The following ANO10 variants were observed in gnomAD, a reference collection of about 807,000 sequenced individuals.
The protein encoded by ANO10 is anoctamin 10.
ANO10 carries 77 observed loss-of-function variants against 74.7 expected under a neutral mutation model. The observed-to-expected ratio is 1.03, with a 90% CI of 0.86 to 1.25. The LOEUF (loss-of-function observed/expected upper bound fraction) is 1.25. ANO10 is among the 50% of genes most tolerant of loss of function. ANO10 has a pLI of 0.00. For synonymous variants in ANO10, 279 were observed against 284.9 expected, an observed-to-expected ratio of 0.98 and a Z score of 0.21; for missense variants, 721 against 778.1, an observed-to-expected ratio of 0.93 and a Z score of 0.87.
chr3:43,624,260 C>T (rs765983177), upstream of ANO10, among the ~76,000 whole-genome samples: 6 of 152,084 alleles, frequency 3.9e-5, no homozygotes, highest in Non-Finnish European at 7.4e-5. Flanking sequence ...TATGTTTTTT[C>T]GACCTGATAG....
chr3:43,587,273 C>T (rs555951508), intron 4 of ANO10, among the ~76,000 whole-genome samples: 5 of 152,238 alleles, frequency 3.3e-5, no homozygotes, highest in African/African-American at 1.2e-4. Context: ...TACAGCACAA[C>T]CCAGAGACAG....
At chr3:43,550,836 T>G (rs571975865) in intron 10 of ANO10, among the ~76,000 whole-genome samples, 1 of 152,320 alleles carries the variant, frequency 6.6e-6, no homozygotes, top group Non-Finnish European at 1.5e-5. Flanking sequence ...TTGTCCCCTT[T>G]TCTTCCACTT....
intron 11 of ANO10, among the ~76,000 whole-genome samples, chr3:43,548,050 C>T (rs2079279402): frequency 6.9e-6 from 1 of 145,254 alleles, no homozygotes; most frequent in Non-Finnish European, 1.5e-5. Context: ...TCTAAATTTA[C>T]CAAGAAATCT....
intron 11 of ANO10, among the ~76,000 whole-genome samples, chr3:43,501,489 A>G (rs529806258): frequency 6.6e-6 from 1 of 152,264 alleles, no homozygotes; most frequent in Admixed American, 6.5e-5. Flanking sequence ...AAGACAATAA[A>G]ACACAAAATG....
At chr3:43,683,880 T>C (rs1431451794) in intron 1 of ANO10, among the ~76,000 whole-genome samples, 1 of 152,150 alleles carries the variant, frequency 6.6e-6, no homozygotes, top group African/African-American at 2.4e-5. Context: ...TAGCCATATG[T>C]AGAAAGCTGA....
At chr3:43,390,831 C>T (rs1042194408) in intron 12 of ANO10, among the ~76,000 whole-genome samples, 1 of 152,228 alleles carries the variant, frequency 6.6e-6, no homozygotes, top group African/African-American at 2.4e-5. Flanking sequence ...TATTCTCACG[C>T]AGTGTGTTCC....
At chr3:43,490,408 A>T (rs1559606947) in intron 11 of ANO10, among the ~76,000 whole-genome samples, 1 of 152,244 alleles carries the variant, frequency 6.6e-6, no homozygotes, top group Non-Finnish European at 1.5e-5. Flanking sequence ...AAACCTGGCA[A>T]CTTGGAAGAG....
intron 12 of ANO10, among the ~76,000 whole-genome samples, chr3:43,389,439 T>C (rs989640696): frequency 1.3e-5 from 2 of 152,220 alleles, no homozygotes; most frequent in African/African-American, 4.8e-5. Flanking sequence ...TTTCAGTGGG[T>C]GATTCTGTGT....
At chr3:43,431,122 G>C (rs1037457359) in intron 12 of ANO10, among the ~76,000 whole-genome samples, 3 of 151,124 alleles carry the variant, frequency 2.0e-5, no homozygotes, top group South Asian at 4.2e-4. Context: ...ACCCAGGCGG[G>C]AGTGCAGTGG....
At chr3:43,650,418 A>T (rs112705559) in intron 1 of ANO10, among the ~76,000 whole-genome samples, 1 of 152,238 alleles carries the variant, frequency 6.6e-6, no homozygotes, top group Non-Finnish European at 1.5e-5. Context: ...GAGCAAAATG[A>T]TCAAGGATAT....
chr3:43,565,867 G>A (rs2080296465), intron 7 of ANO10, 140 bp from the exon 8 acceptor site: 3 of 850,648 alleles, frequency 3.5e-6, no homozygotes, highest in Non-Finnish European at 5.6e-6. Flanking sequence ...CCAGTCTACA[G>A]CTCCCAGCCT....
chr3:43,543,133 C>T (rs2079028445), intron 11 of ANO10, among the ~76,000 whole-genome samples: 1 of 152,112 alleles, frequency 6.6e-6, no homozygotes, highest in Non-Finnish European at 1.5e-5. Context: ...TCTTCTCTCC[C>T]TCTGTTTCTC....
intron 3 of ANO10, among the ~76,000 whole-genome samples, chr3:43,599,147 ATGT>A (rs1004855776): frequency 6.6e-6 from 1 of 152,194 alleles, no homozygotes; most frequent in Admixed American, 6.5e-5. Context: ...TTTTAAGAAA[ATGT>A]TGTTGCTATT....
intron 11 of ANO10, among the ~76,000 whole-genome samples, chr3:43,499,999 T>C (rs897298331): frequency 2.6e-5 from 4 of 151,954 alleles, no homozygotes; most frequent in Admixed American, 2.6e-4. Context: ...ACCTAGCTGT[T>C]TTTTTGTTTT....
chr3:43,493,620 A>G (rs930160129), intron 11 of ANO10, among the ~76,000 whole-genome samples: 18 of 152,236 alleles, frequency 1.2e-4, no homozygotes, highest in African/African-American at 3.9e-4. Context: ...AAAAAAACAT[A>G]AAGGTTAAAA....
chr3:43,450,124 C>T (rs1013748654), intron 11 of ANO10, among the ~76,000 whole-genome samples: 4 of 152,016 alleles, frequency 2.6e-5, no homozygotes, highest in Admixed American at 2.6e-4. Context: ...TTTTATTCTA[C>T]TAGTTTCTGC....
intron 1 of ANO10, among the ~76,000 whole-genome samples, chr3:43,680,826 C>G (rs1432082018): frequency 6.6e-6 from 1 of 152,178 alleles, no homozygotes; most frequent in Non-Finnish European, 1.5e-5. Flanking sequence ...TCCAGCCAAA[C>G]TAAGCTTCAT....
intron 12 of ANO10, among the ~76,000 whole-genome samples, chr3:43,368,700 T>C (rs77624566): frequency 6.6e-6 from 1 of 152,068 alleles, no homozygotes; most frequent in Non-Finnish European, 1.5e-5. Flanking sequence ...TTTTTTTTTT[T>C]TCAAGAGCCA....
chr3:43,657,730 C>T (rs2083873802), intron 1 of ANO10, among the ~76,000 whole-genome samples: 1 of 152,178 alleles, frequency 6.6e-6, no homozygotes, highest in Non-Finnish European at 1.5e-5. Flanking sequence ...GCCTCCTAGC[C>T]ATTCTGTCAC....
Sources: allele counts gnomAD v4.1 joint callset (sites outside exome capture counted in the v4.1 genomes callset), GRCh38; gene constraint gnomAD v4.1.1; transcripts MANE v1.5; gene names NCBI Gene and HGNC (gene_info 2026-07-23, HGNC 2026-07-21).